The following MACROD1 variants were observed in gnomAD, a reference collection of about 807,000 sequenced individuals.
The protein encoded by MACROD1 is ADP-ribose glycohydrolase MACROD1.
A neutral mutation model predicts 41.4 loss-of-function variants in MACROD1; 31 were observed. The observed-to-expected ratio is 0.75, with a 90% CI of 0.56 to 1.01. The LOEUF (loss-of-function observed/expected upper bound fraction) is 1.01. Among genes scored for constraint, MACROD1 ranks in the 50% least tolerant of loss-of-function variants. MACROD1 has a pLI of 0.00. For missense variants in MACROD1, 473 were observed against 460.0 expected (o/e 1.03, Z -0.26); for synonymous variants, 252 against 203.4 (o/e 1.24, Z -2.03).
intron 3 of MACROD1, among the ~76,000 whole-genome samples, chr11:64,046,328 C>T (rs1351049173): frequency 6.6e-6 from 1 of 152,192 alleles, no homozygotes; most frequent in East Asian, 1.9e-4. Flanking sequence ...TGGTGGGGCA[C>T]AGATGAGGAA....
intron 3 of MACROD1, among the ~76,000 whole-genome samples, chr11:64,038,159 AAGG>A (rs1441938987): frequency 2.0e-5 from 3 of 152,074 alleles, no homozygotes; most frequent in Admixed American, 2.0e-4. Context: ...AGCTGTTTCT[AAGG>A]AGGTGATGGG....
intron 3 of MACROD1, among the ~76,000 whole-genome samples, chr11:64,084,945 A>G (rs570205584): frequency 6.6e-6 from 1 of 152,330 alleles, no homozygotes; most frequent in African/African-American, 2.4e-5. Context: ...CCCTCCCACA[A>G]CAAGGGTTTC....
intron 1 of MACROD1, among the ~76,000 whole-genome samples, chr11:64,157,373 C>T (rs1250800517): frequency 2.6e-5 from 4 of 152,178 alleles, no homozygotes; most frequent in South Asian, 4.1e-4. Flanking sequence ...GGATTACAGG[C>T]GTGAGCCACC....
chr11:64,032,936 C>T (rs993522734), intron 3 of MACROD1, among the ~76,000 whole-genome samples: 3 of 152,056 alleles, frequency 2.0e-5, no homozygotes, highest in Admixed American at 1.3e-4. Context: ...TTCCACTATC[C>T]GCCCCCCAGC....
chr11:64,068,006 C>T lies in MACROD1; in HGVS notation c.518-52725G>A, dbSNP rs72918414. On this transcript the variant is annotated intron_variant, in intron 3 of 10. Transcript: ENST00000255681. ...ACAGCCTTGCAATAAAAGCTCAGAA[C>T]GGAAAACCGCCGGTCTTGGGGGTTA... Among the ~76,000 whole-genome samples the T allele has an allele frequency of 1.7e-3, 263 of 152,238 alleles. 1 individual carries two copies. Among genetic ancestry groups the T allele is most frequent in the South Asian group, 3.7e-3 (18 of 4,816 alleles).
chr11:64,014,531 C>G (rs1943055547), intron 4 of MACROD1, among the ~76,000 whole-genome samples: 2 of 152,244 alleles, frequency 1.3e-5, no homozygotes, highest in Non-Finnish European at 2.9e-5. Context: ...ACCCCTGGCC[C>G]CTAGCTCACC....
chr11:64,046,688 A>G (rs1943590095), intron 3 of MACROD1, among the ~76,000 whole-genome samples: 1 of 152,120 alleles, frequency 6.6e-6, no homozygotes. Flanking sequence ...TAATAGAAGC[A>G]GGGTTTCACC....
At chr11:64,108,069 T>C (rs1944794413) in intron 3 of MACROD1, among the ~76,000 whole-genome samples, 1 of 152,162 alleles carries the variant, frequency 6.6e-6, no homozygotes, top group Admixed American at 6.5e-5. Flanking sequence ...ATCCCAGCAC[T>C]TTGGGAGGCC....
At chr11:64,035,973 T>G (rs1439475952) in intron 3 of MACROD1, 2 of 145,864 alleles carry the variant, frequency 1.4e-5, no homozygotes, top group East Asian at 4.3e-4. Context: ...GCCGGGCAGA[T>G]GCGCCGCCGC....
chr11:64,131,269 G>A (rs748328284), intron 3 of MACROD1, among the ~76,000 whole-genome samples: 1 of 152,202 alleles, frequency 6.6e-6, no homozygotes, highest in African/African-American at 2.4e-5. Flanking sequence ...GAGTGACGGG[G>A]AGGGCAGGCT....
chr11:64,109,231 G>T (rs1049011396), intron 3 of MACROD1, among the ~76,000 whole-genome samples: 12 of 152,138 alleles, frequency 7.9e-5, no homozygotes, highest in Non-Finnish European at 1.5e-4. Flanking sequence ...GTTCCATGAG[G>T]GCCAGGAGCC....
chr11:64,001,892 A>T (rs1032888003), intron 4 of MACROD1: 1 of 645,784 alleles, frequency 1.5e-6, no homozygotes, highest in Non-Finnish European at 2.8e-6. Context: ...CCAGCCACAG[A>T]TGTGTGACCC....
chr11:64,143,395 T>C (rs1945441153), intron 3 of MACROD1, among the ~76,000 whole-genome samples: 2 of 151,948 alleles, frequency 1.3e-5, no homozygotes, highest in South Asian at 4.2e-4. Context: ...GTGTGCAGCG[T>C]GTTGAGCAGA....
intron 3 of MACROD1, among the ~76,000 whole-genome samples, chr11:64,134,175 C>T (rs918489484): frequency 6.6e-6 from 1 of 152,224 alleles, no homozygotes; most frequent in African/African-American, 2.4e-5. Flanking sequence ...GAGCTTCCCA[C>T]AGTGGAGGAT....
intron 3 of MACROD1, chr11:64,117,828 A>G: frequency 1.2e-6 from 2 of 1,614,178 alleles, no homozygotes; most frequent in Non-Finnish European, 1.7e-6. Context: ...AGCTGATGAG[A>G]CACCCGTGTG....
intron 3 of MACROD1, among the ~76,000 whole-genome samples, chr11:64,063,381 G>T (rs1943939184): frequency 1.3e-5 from 2 of 152,172 alleles, no homozygotes; most frequent in South Asian, 4.1e-4. Context: ...ATCCAGCAGA[G>T]ACCCATGCCA....
chr11:64,096,252 G>A lies in MACROD1; in HGVS notation c.517+54987C>T, dbSNP rs997063458. 2.0e-5 allele frequency among the ~76,000 whole-genome samples: 3 copies of A among 152,230 alleles called. No individual in the cohort carries two copies. Among genetic ancestry groups the A allele is most frequent in the African/African-American group, 7.2e-5 (3 of 41,468 alleles). Reference sequence around the variant, plus strand: ...AACAGCCACTGTTCTGCCGACAAAAGCAGGCCAATTTCCTGAAAGAAGAGG... The same window carrying A: ...AACAGCCACTGTTCTGCCGACAAAAACAGGCCAATTTCCTGAAAGAAGAGG... On this transcript the variant is annotated intron_variant, in intron 3 of 10. Coordinates refer to ENST00000255681, the MANE Select transcript of MACROD1 (RefSeq NM_014067.4). This position sits in a 1 kb window ranked among gnomAD's most constrained non-coding sequence, Gnocchi z 4.6.
At chr11:64,009,823 C>T (rs1292079548) in intron 4 of MACROD1, among the ~76,000 whole-genome samples, 12 of 152,248 alleles carry the variant, frequency 7.9e-5, no homozygotes, top group Non-Finnish European at 1.2e-4. Flanking sequence ...TCTAAATCAC[C>T]GCACATTTGC....
chr11:64,029,148 T>G (rs1230844587), intron 3 of MACROD1, among the ~76,000 whole-genome samples: 2 of 152,114 alleles, frequency 1.3e-5, no homozygotes, highest in Non-Finnish European at 2.9e-5. Context: ...GCTGCTTGAG[T>G]TCCCAGTGAG....
Sources: gnomAD v4.1 joint callset for allele counts (sites outside exome capture counted in the v4.1 genomes callset) on GRCh38, gnomAD v4.1.1 for gene constraint, Gnocchi (gnomAD v3.1) non-coding constraint, MANE v1.5 for transcripts, NCBI Gene and HGNC (gene_info 2026-07-23, HGNC 2026-07-21) for gene names.